The following CEP41 variants were observed in gnomAD, a reference collection of about 807,000 sequenced individuals.
The protein encoded by CEP41 is centrosomal protein 41, also known as centrosomal protein of 41 kDa.
Under a neutral mutation model 44.3 loss-of-function variants are expected in CEP41, and 32 were observed. The observed-to-expected ratio is 0.72, with a 90% CI of 0.54 to 0.97. The LOEUF (loss-of-function observed/expected upper bound fraction) is 0.97. CEP41 is among the 50% of genes least tolerant of loss of function. CEP41 has a pLI of 0.00. For synonymous variants in CEP41, 151 were observed against 168.5 expected (o/e 0.90, Z 0.80); for missense variants, 432 against 455.2 (o/e 0.95, Z 0.46).
chr7:130,411,781 C>T (rs17390317), intron 4 of CEP41, among the ~76,000 whole-genome samples: 4,451 of 152,206 alleles, frequency 0.029, 90 homozygotes, highest in Middle Eastern at 0.044. Context: ...AATAACAAAA[C>T]AGCTCTGGCA....
chr7:130,419,792 T>C, intron 2 of CEP41: 1 of 985,314 alleles, frequency 1.0e-6, no homozygotes, highest in Non-Finnish European at 1.2e-6. Flanking sequence ...CTCTAACGTA[T>C]CACCTTGCCA....
rs1467846073 is a variant in CEP41 at position 130,437,467 on chromosome 7, C to G, written c.33+3467G>C. On this transcript the variant is annotated intron_variant, in intron 1 of 10. Coordinates refer to ENST00000223208, the MANE Select transcript of CEP41 (RefSeq NM_018718.3). The stretch of plus-strand genomic sequence containing the variant: ...CAACACAAGACACTAGACCACTAAG[C>G]AATGTTTTGCAAGATGCTGATGATG... 6.6e-5 allele frequency among the ~76,000 whole-genome samples: 10 copies of G among 151,864 alleles called. No homozygotes were observed. The East Asian group carries it at 1.9e-3, about 29-fold the overall frequency.
Position 130,404,807 on chromosome 7 carries a change from A to G in CEP41, c.278-99T>C, listed in dbSNP as rs1584873725. ...TAAGTCAAGAAAAGGAAATCTTATC[A>G]TCATTATTAAATTGTCGTGGAAGTG... is the stretch of plus-strand genomic sequence containing the variant. On this transcript the variant is annotated intron_variant, in intron 5 of 10. Transcript: ENST00000223208. 6.0e-6 allele frequency: 6 copies of G among 1,000,250 alleles called. No individual in the cohort carries two copies. In the East Asian group the frequency reaches 1.2e-4, roughly 20 times the overall value. 62.0% of individuals were successfully genotyped at this position (1,000,250 alleles called of 1,614,324 possible).
In CEP41 at chr7:130,400,028, A is replaced by G. The variant is rs781847285; in HGVS notation, c.973+11T>C. On this transcript the variant is annotated intron_variant, in intron 10 of 10. Transcript: ENST00000223208. Reference sequence around the variant, plus strand: ...AACCAAACATTATCTTTAAAGGTCAAAAGATCTTACTAGGATGATCTGCAG... The same window carrying G: ...AACCAAACATTATCTTTAAAGGTCAGAAGATCTTACTAGGATGATCTGCAG... The G allele has an allele frequency of 6.4e-6, 10 of 1,562,380 alleles. No individual in the cohort carries two copies. The highest frequency in any genetic ancestry group is 1.4e-5 in the African/African-American group (1 of 73,892).
chr7:130,413,273 G>A (rs1584884471), intron 3 of CEP41, among the ~76,000 whole-genome samples: 1 of 152,244 alleles, frequency 6.6e-6, no homozygotes, highest in East Asian at 1.9e-4. Flanking sequence ...TTACAGGCGT[G>A]AGCCAAAGCG....
At chr7:130,412,356 C>T (rs2117609232) in intron 3 of CEP41, 116 bp from the exon 4 acceptor site, 1 of 662,574 alleles carries the variant, frequency 1.5e-6, no homozygotes, top group South Asian at 1.7e-5. Flanking sequence ...TCTATTATCT[C>T]ATTTGAGCCT....
chr7:130,411,269 AG>A, intron 4 of CEP41, 78 bp from the exon 5 acceptor site: 1 of 1,145,134 alleles, frequency 8.7e-7, no homozygotes, highest in South Asian at 1.2e-5. Context: ...ACAAAAGACG[AG>A]GGAACAACAA....
Position 130,400,704 on chromosome 7 carries a change from C to G in CEP41, c.757+3G>C. ...GTCCCAAGCAGAGTATCACCTTGCT[C>G]ACCTCCGGAAAGCATGAAGAGGTTT... is the stretch of plus-strand genomic sequence containing the variant. On this transcript the variant is annotated splice_donor_region_variant and intron_variant, in intron 9 of 10. Transcript: ENST00000223208. 6.3e-7 allele frequency: 1 copy of G among 1,587,538 alleles called. No individual in the cohort carries two copies. The highest frequency in any genetic ancestry group is 8.6e-7 in the Non-Finnish European group (1 of 1,157,462).
intron 1 of CEP41, among the ~76,000 whole-genome samples, chr7:130,437,437 CACA>C (rs1282322632): frequency 2.0e-5 from 3 of 151,394 alleles, no homozygotes; most frequent in East Asian, 3.9e-4. Flanking sequence ...CTTTGGACTT[CACA>C]ACAACACAAG....
intron 1 of CEP41, among the ~76,000 whole-genome samples, chr7:130,431,970 G>A (rs1797834860): frequency 6.6e-6 from 1 of 152,198 alleles, no homozygotes; most frequent in Admixed American, 6.5e-5. Flanking sequence ...GGTAGGAGGT[G>A]CTACTGGCAT....
In CEP41 at chr7:130,394,983, G is replaced by A. The variant is rs565589549; in HGVS notation, c.*3908C>T. The A allele has an allele frequency of 2.2e-6, 1 of 454,070 alleles. No individual in the cohort carries two copies. Among genetic ancestry groups the A allele is most frequent in the East Asian group, 7.0e-5 (1 of 14,386 alleles). 28.1% of individuals were successfully genotyped at this position (454,070 alleles called of 1,614,324 possible). A position where few individuals can be genotyped will look rare whatever the true frequency, so the allele number is the denominator to read the frequency against. On this transcript the variant is annotated 3_prime_UTR_variant, in exon 11 of 11. Transcript: ENST00000223208. ...AATTTGCTTCTGTACAGAACAAAGA[G>A]GATCAGCAACAGAGAGGGGAGCCAT...
At chr7:130,402,529 C>A in intron 7 of CEP41, 119 bp downstream of exon 7, 2 of 1,091,586 alleles carry the variant, frequency 1.8e-6, no homozygotes, top group South Asian at 1.3e-5. Context: ...CATAATGGAT[C>A]CAGCTAACAT....
intron 5 of CEP41, among the ~76,000 whole-genome samples, chr7:130,408,919 A>G (rs963869107): frequency 9.2e-5 from 14 of 152,250 alleles, no homozygotes; most frequent in Admixed American, 4.6e-4. Flanking sequence ...ATTTAGTGAC[A>G]TGGGAAAGTA....
At chr7:130,409,285 C>T (rs1350093932) in intron 5 of CEP41, among the ~76,000 whole-genome samples, 1 of 152,200 alleles carries the variant, frequency 6.6e-6, no homozygotes, top group Admixed American at 6.5e-5. Context: ...TCCTACTTTA[C>T]AAGAGCCTAC....
rs886061988 is a variant in CEP41, at chr7:130,394,474, C to T, written c.*4417G>A. The T allele has an allele frequency of 3.1e-5, 14 of 453,960 alleles. No homozygotes were observed. The highest frequency in any genetic ancestry group is 5.3e-5 in the Non-Finnish European group (12 of 226,786). The allele number at this position is 453,960 out of a possible 1,614,324, so 28.1% of individuals were successfully genotyped here. ...GATTTGAAACAAAAGAGAAAACCTA[C>T]TCTTAAGATGGGGGTGGTGTGTGAC... On this transcript the variant is annotated 3_prime_UTR_variant, in exon 11 of 11. Coordinates refer to ENST00000223208, the MANE Select transcript of CEP41 (RefSeq NM_018718.3).
chr7:130,412,999 CATTTT>C (rs1194206509), intron 3 of CEP41, among the ~76,000 whole-genome samples: 8 of 152,068 alleles, frequency 5.3e-5, no homozygotes, highest in African/African-American at 1.7e-4. Context: ...TGTTTACTAC[CATTTT>C]ATTTTATTTA....
chr7:130,400,136 T>C lies in CEP41; in HGVS notation c.876A>G (p.Pro292=). ...TCCATTTATTCTCAGCTGGTAGGGG[T>C]GGCCCTTTGGGGCTGGATCGTTTCC... ...SARKRSSPKG[P]PLPAENKWRF... The change falls in exon 10 of 11, where the codon CCA becomes CCG. Residue 292 remains proline (P), a synonymous_variant. Transcript: ENST00000223208. The C allele has an allele frequency of 6.2e-7, 1 of 1,613,738 alleles. No homozygotes were observed. Among genetic ancestry groups the C allele is most frequent in the Non-Finnish European group, 8.5e-7 (1 of 1,179,806 alleles).
intron 2 of CEP41, chr7:130,419,675 T>C (rs1797442808): frequency 4.1e-6 from 4 of 985,232 alleles, no homozygotes; most frequent in Non-Finnish European, 2.4e-6. Context: ...GGCTCCCCAT[T>C]GCTTCCTAAC....
At chr7:130,438,383 AC>A (rs1287494760) in intron 1 of CEP41, among the ~76,000 whole-genome samples, 1 of 151,926 alleles carries the variant, frequency 6.6e-6, no homozygotes, top group Non-Finnish European at 1.5e-5. Context: ...ACATGGTAAA[AC>A]CGCATCTTTA....
Sources: allele counts gnomAD v4.1 joint callset (sites outside exome capture counted in the v4.1 genomes callset), GRCh38; gene constraint gnomAD v4.1.1; transcripts MANE v1.5; gene names NCBI Gene and HGNC (gene_info 2026-07-23, HGNC 2026-07-21).